Variants in LRRC7 observed in about 807,000 individuals in gnomAD.
LRRC7 encodes leucine-rich repeat-containing protein 7.
In LRRC7, 23 loss-of-function variants were observed where a neutral mutation model predicts 175.7. That is an observed-to-expected ratio of 0.13 (90% CI 0.09 to 0.19). The LOEUF is 0.19. Among genes scored for constraint, LRRC7 ranks in the 10% least tolerant of loss-of-function variants. The pLI is 1.00. For synonymous variants in LRRC7, 685 were observed against 680.9 expected (o/e 1.01, Z -0.09); for missense variants, 1,354 against 1,904.7 (o/e 0.71, Z 5.38).
At chr1:70,120,822 C>T (rs998073718) in intron 26 of LRRC7, among the ~76,000 whole-genome samples, 1 of 152,008 alleles carries the variant, frequency 6.6e-6, no homozygotes, top group African/African-American at 2.4e-5. Flanking sequence ...ATTACATAAC[C>T]ATCAGTCATT....
intron 2 of LRRC7, among the ~76,000 whole-genome samples, chr1:69,754,325 C>T (rs1157621456): frequency 6.6e-6 from 1 of 151,892 alleles, no homozygotes; most frequent in Non-Finnish European, 1.5e-5. Context: ...TGAACTAGGT[C>T]AATAGGCAGT....
chr1:69,712,149 T>C (rs1664821908), intron 2 of LRRC7, among the ~76,000 whole-genome samples: 1 of 152,062 alleles, frequency 6.6e-6, no homozygotes, highest in Admixed American at 6.6e-5. Flanking sequence ...CATAAAGTCG[T>C]TTAAAATAGA....
chr1:70,083,245 C>T (rs1663360119), intron 24 of LRRC7, among the ~76,000 whole-genome samples: 1 of 151,990 alleles, frequency 6.6e-6, no homozygotes, highest in African/African-American at 2.4e-5. Flanking sequence ...TCACTGTTTC[C>T]TTTTTGAGCC....
chr1:70,078,824 G>GCACACA (rs769239262), intron 24 of LRRC7, among the ~76,000 whole-genome samples: 7 of 130,874 alleles, frequency 5.3e-5, no homozygotes, highest in East Asian at 2.4e-4. Flanking sequence ...ACACACACAC[G>GCACACA]CACACACACA....
intron 11 of LRRC7, among the ~76,000 whole-genome samples, chr1:70,005,017 CA>C (rs1655874315): frequency 6.6e-6 from 1 of 151,542 alleles, no homozygotes; most frequent in Non-Finnish European, 1.5e-5. Context: ...ATAGATTGTT[CA>C]AGATTCGTTT....
At chr1:69,609,973 C>T (rs1185900712) in intron 1 of LRRC7, among the ~76,000 whole-genome samples, 1 of 151,986 alleles carries the variant, frequency 6.6e-6, no homozygotes, top group African/African-American at 2.4e-5. Context: ...CAGCTATCTT[C>T]AATAGTGATC....
At chr1:69,716,853 G>A (rs1254440544) in intron 2 of LRRC7, among the ~76,000 whole-genome samples, 3 of 151,762 alleles carry the variant, frequency 2.0e-5, no homozygotes, top group Non-Finnish European at 4.4e-5. Flanking sequence ...TATTTGAATA[G>A]CAAGAAGAAT....
At chr1:69,976,159 G>A (rs1290127633) in intron 8 of LRRC7, among the ~76,000 whole-genome samples, 2 of 152,116 alleles carry the variant, frequency 1.3e-5, no homozygotes, top group African/African-American at 4.8e-5. Flanking sequence ...AGAACTAATA[G>A]GATAGATAGA....
At chr1:69,887,186 T>C (rs1245890238) in intron 7 of LRRC7, among the ~76,000 whole-genome samples, 1 of 123,934 alleles carries the variant, frequency 8.1e-6, no homozygotes, top group Non-Finnish European at 1.7e-5. Flanking sequence ...TTGGGGAAGT[T>C]CTCCTGGATA....
rs1666809109 is a variant in LRRC7 at position 70,135,021 on chromosome 1, G to C, written c.*13134G>C. 6.6e-6 allele frequency among the ~76,000 whole-genome samples: 1 copy of C among 152,082 alleles called. No individual in the cohort carries two copies. The highest frequency in any genetic ancestry group is 1.9e-4 in the East Asian group (1 of 5,200). On this transcript the variant is annotated 3_prime_UTR_variant, in exon 27 of 27. Transcript: ENST00000651989. ...AAAATCCAGAACTATTTAAATACTA[G>C]AATGAAAATTACATAGAATTTTACT... is the stretch of plus-strand genomic sequence containing the variant.
chr1:69,639,545 A>C (rs1653887364), intron 1 of LRRC7, among the ~76,000 whole-genome samples: 1 of 151,824 alleles, frequency 6.6e-6, no homozygotes, highest in Admixed American at 6.6e-5. Context: ...TGATTCTGTG[A>C]AGACAGGAGC....
At chr1:70,032,295 G>A (rs1658832094) in intron 18 of LRRC7, among the ~76,000 whole-genome samples, 1 of 152,000 alleles carries the variant, frequency 6.6e-6, no homozygotes, top group Non-Finnish European at 1.5e-5. Context: ...AAGGGGTAGG[G>A]CTTTTAAATC....
Position 70,127,995 on chromosome 1 carries a change from T to G in LRRC7, c.*6108T>G, listed in dbSNP as rs1558091761. Among the ~76,000 whole-genome samples the G allele has an allele frequency of 6.6e-6, 1 of 152,166 alleles. No homozygotes were observed. Among genetic ancestry groups the G allele is most frequent in the Non-Finnish European group, 1.5e-5 (1 of 68,042 alleles). ...TTTTTTTCTTGAGACAGAGTCTTGC[T>G]GTGTCACCCAGGCTGGAGTGCAGTA... On this transcript the variant is annotated 3_prime_UTR_variant, in exon 27 of 27. Coordinates refer to ENST00000651989, the MANE Select transcript of LRRC7 (RefSeq NM_001370785.2).
At chr1:70,051,654 T>G (rs764464206) in intron 22 of LRRC7, among the ~76,000 whole-genome samples, 2 of 151,778 alleles carry the variant, frequency 1.3e-5, no homozygotes, top group South Asian at 4.2e-4. Context: ...GTACCTTTTT[T>G]CTCTTTTTTT....
chr1:69,818,355 A>G (rs1355818742), intron 4 of LRRC7, among the ~76,000 whole-genome samples: 1 of 152,040 alleles, frequency 6.6e-6, no homozygotes, highest in African/African-American at 2.4e-5. Context: ...TTTTTTCTGC[A>G]TCTAGTAAAA....
intron 23 of LRRC7, 24 bp downstream of exon 23, chr1:70,053,169 A>C: frequency 6.3e-7 from 1 of 1,592,418 alleles, no homozygotes; most frequent in South Asian, 1.2e-5. Flanking sequence ...AATTAACAAG[A>C]CAAACCATGA....
At chr1:70,114,789 C>A (rs1056631827) in intron 26 of LRRC7, among the ~76,000 whole-genome samples, 1 of 151,904 alleles carries the variant, frequency 6.6e-6, no homozygotes, top group African/African-American at 2.4e-5. Flanking sequence ...CACAGAAAAC[C>A]AATAAAAATG....
At chr1:69,618,608 A>G (rs1364684878) in intron 1 of LRRC7, among the ~76,000 whole-genome samples, 1 of 152,144 alleles carries the variant, frequency 6.6e-6, no homozygotes, top group African/African-American at 2.4e-5. Context: ...TGGTTTTCAC[A>G]TTCCTTCAAG....
chr1:70,066,778 T>G (rs561464743), intron 23 of LRRC7, among the ~76,000 whole-genome samples: 3 of 152,038 alleles, frequency 2.0e-5, no homozygotes, highest in Non-Finnish European at 4.4e-5. Context: ...ATATGGTACT[T>G]GCATGTTCAA....
Sources: allele counts gnomAD v4.1 joint callset (sites outside exome capture counted in the v4.1 genomes callset), GRCh38; gene constraint gnomAD v4.1.1; transcripts MANE v1.5; gene names NCBI Gene and HGNC (gene_info 2026-07-23, HGNC 2026-07-21).